RPN2: variants seen among roughly 807,000 people sequenced by gnomAD.
RPN2 encodes the protein dolichyl-diphosphooligosaccharide--protein glycosyltransferase subunit 2.
A neutral mutation model predicts 71.4 loss-of-function variants in RPN2; 29 were observed. The ratio of observed to expected loss-of-function variants is 0.41; its 90% CI spans 0.30 to 0.55. The LOEUF is 0.55. Among genes scored for constraint, RPN2 ranks in the 20% least tolerant of loss-of-function variants. The pLI is 0.35. For synonymous variants in RPN2, 308 were observed against 305.0 expected, an observed-to-expected ratio of 1.01 and a Z score of -0.10; for missense variants, 726 against 774.1, an observed-to-expected ratio of 0.94 and a Z score of 0.74.
chr20:37,205,775 T>C (rs552866091), intron 6 of RPN2, among the ~76,000 whole-genome samples: 1 of 152,362 alleles, frequency 6.6e-6, no homozygotes, highest in East Asian at 1.9e-4. Context: ...TCCCTTTTAA[T>C]TTCTGTTATG....
intron 14 of RPN2, among the ~76,000 whole-genome samples, chr20:37,233,683 T>C (rs759248323): frequency 5.9e-5 from 9 of 152,148 alleles, no homozygotes; most frequent in Admixed American, 1.3e-4. Flanking sequence ...TTAGTGGGGG[T>C]GTCAGTTACC....
intron 2 of RPN2, among the ~76,000 whole-genome samples, chr20:37,188,112 A>G (rs1366286316): frequency 6.6e-6 from 1 of 152,164 alleles, no homozygotes; most frequent in Non-Finnish European, 1.5e-5. Context: ...AAAGAACCCT[A>G]TAACTGTATT....
Position 37,241,397 on chromosome 20 carries a change from G to GT in RPN2, c.*82_*83insT. On this transcript the variant is annotated 3_prime_UTR_variant, in exon 17 of 17. Coordinates refer to ENST00000237530, the MANE Select transcript of RPN2 (RefSeq NM_002951.5). Reference sequence around the variant, plus strand: ...CAATTCACAGTATGAGAAGAAAAATGGAAAAAAAAAACTTTATTTAAAAAA... The same window carrying GT: ...CAATTCACAGTATGAGAAGAAAAATGTGAAAAAAAAAACTTTATTTAAAAAA... 1 of 1,490,156 alleles carries GT rather than the reference G, an allele frequency of 6.7e-7. No homozygotes were observed. Among genetic ancestry groups the GT allele is most frequent in the South Asian group, 1.3e-5 (1 of 79,914 alleles). 92.3% of individuals were successfully genotyped at this position (1,490,156 alleles called of 1,614,324 possible).
At chr20:37,209,051 T>C (rs1050620466) in intron 7 of RPN2, among the ~76,000 whole-genome samples, 1 of 152,248 alleles carries the variant, frequency 6.6e-6, no homozygotes, top group African/African-American at 2.4e-5. Context: ...GAATTGACTC[T>C]GAAGTTAAAT....
intron 4 of RPN2, among the ~76,000 whole-genome samples, chr20:37,199,968 C>T (rs1342995031): frequency 1.3e-5 from 2 of 151,886 alleles, no homozygotes; most frequent in African/African-American, 2.4e-5. Flanking sequence ...AGTAGCTGGA[C>T]TACAGGTGCA....
intron 10 of RPN2, among the ~76,000 whole-genome samples, chr20:37,224,941 G>C (rs184293809): frequency 2.5e-4 from 38 of 152,352 alleles, no homozygotes; most frequent in African/African-American, 8.4e-4. Context: ...AGAAATGTCT[G>C]TGCGAGCGCT....
At chr20:37,236,525 C>A in intron 15 of RPN2, 55 bp from the exon 16 acceptor site, 2 of 1,602,134 alleles carry the variant, frequency 1.2e-6, no homozygotes, top group Non-Finnish European at 1.7e-6. Flanking sequence ...TTTCCTCAAC[C>A]GCAGGGCATC....
At chr20:37,217,666 T>C (rs965000288) in intron 9 of RPN2, among the ~76,000 whole-genome samples, 3 of 152,158 alleles carry the variant, frequency 2.0e-5, no homozygotes, top group African/African-American at 7.2e-5. Context: ...GGTCTAAAGA[T>C]GTTTTTCCAC....
chr20:37,202,023 T>C (rs111642008), intron 4 of RPN2, among the ~76,000 whole-genome samples: 10 of 152,228 alleles, frequency 6.6e-5, no homozygotes, highest in African/African-American at 2.2e-4. Flanking sequence ...AAGAAATTGC[T>C]GGCTGGGGAA....
At chr20:37,235,912 A>G (rs1281462733) in intron 15 of RPN2, among the ~76,000 whole-genome samples, 1 of 152,024 alleles carries the variant, frequency 6.6e-6, no homozygotes, top group East Asian at 1.9e-4. Context: ...GGCCTCCCAA[A>G]GTGCTGGGAT....
chr20:37,239,311 T>TGGGCTG (rs2068489223), intron 16 of RPN2, among the ~76,000 whole-genome samples: 1 of 152,152 alleles, frequency 6.6e-6, no homozygotes, highest in African/African-American at 2.4e-5. Flanking sequence ...AGACAGGTGG[T>TGGGCTG]GGGCTGGATT....
At chr20:37,201,610 A>G (rs1012177979) in intron 4 of RPN2, among the ~76,000 whole-genome samples, 3 of 152,190 alleles carry the variant, frequency 2.0e-5, no homozygotes, top group Non-Finnish European at 4.4e-5. Flanking sequence ...GTTCAAATCC[A>G]TTCTTCTACT....
intron 4 of RPN2, chr20:37,200,376 A>C: frequency 2.0e-6 from 1 of 494,488 alleles, no homozygotes; most frequent in South Asian, 1.5e-5. Context: ...TTAACACTTA[A>C]ACTGCTCCTT....
chr20:37,184,288 TG>T lies in RPN2; in HGVS notation c.124del (p.Asp42IlefsTer91). On this transcript the variant is annotated frameshift_variant, in exon 2 of 17. Coordinates refer to ENST00000237530, the MANE Select transcript of RPN2 (RefSeq NM_002951.5). LOFTEE classifies it high-confidence loss of function. ...GACGTGGAGAGACTAAAAGCCTCGC[TG>T]GATCGCCCTTTCACAAATTTGGAAT... ...KHDVERLKASLDRPFTNLESA... is the reference protein window; with the variant it reads ...KHDVERLKASXDRPFTNLESA... The T allele has an allele frequency of 6.2e-7, 1 of 1,614,240 alleles. No homozygotes were observed. Among genetic ancestry groups the T allele is most frequent in the South Asian group, 1.1e-5 (1 of 91,090 alleles).
At chr20:37,203,284 A>G (rs2067435523) in intron 4 of RPN2, among the ~76,000 whole-genome samples, 1 of 152,088 alleles carries the variant, frequency 6.6e-6, no homozygotes, top group Non-Finnish European at 1.5e-5. Context: ...GTAGTTGCAC[A>G]ACATTGTGAA....
At chr20:37,195,965 C>T (rs1347163382) in intron 2 of RPN2, among the ~76,000 whole-genome samples, 2 of 152,082 alleles carry the variant, frequency 1.3e-5, no homozygotes, top group Non-Finnish European at 2.9e-5. Context: ...AGCATGTACA[C>T]ACAGTAAAAC....
At chr20:37,183,940 G>A (rs776230984) in intron 1 of RPN2, among the ~76,000 whole-genome samples, 1 of 152,202 alleles carries the variant, frequency 6.6e-6, no homozygotes, top group Non-Finnish European at 1.5e-5. Context: ...TCTTTCAGAT[G>A]GGAATAGTAG....
At chr20:37,181,327 C>A (rs2066872186) in intron 1 of RPN2, among the ~76,000 whole-genome samples, 1 of 152,096 alleles carries the variant, frequency 6.6e-6, no homozygotes, top group Non-Finnish European at 1.5e-5. Flanking sequence ...CTACTTCTTA[C>A]CCTTTGCTTA....
intron 1 of RPN2, among the ~76,000 whole-genome samples, chr20:37,183,424 GC>G (rs1342857041): frequency 6.6e-6 from 1 of 152,146 alleles, no homozygotes; most frequent in African/African-American, 2.4e-5. Flanking sequence ...CACCATGTTG[GC>G]CAGGCTGGCC....
Sources: gnomAD v4.1 joint callset for allele counts (sites outside exome capture counted in the v4.1 genomes callset) on GRCh38, gnomAD v4.1.1 for gene constraint, MANE v1.5 for transcripts, NCBI Gene and HGNC (gene_info 2026-07-23, HGNC 2026-07-21) for gene names.